TMEM192: variants seen among roughly 807,000 people sequenced by gnomAD.
TMEM192 encodes the protein transmembrane protein 192.
A neutral mutation model predicts 26.7 loss-of-function variants in TMEM192; 20 were observed. The observed-to-expected ratio is 0.75, with a 90% CI of 0.53 to 1.09. TMEM192 has a LOEUF of 1.09. Among genes scored for constraint, TMEM192 ranks in the 50% least tolerant of loss-of-function variants. The pLI is 0.00. For missense variants in TMEM192, 304 were observed against 322.6 expected (o/e 0.94, Z 0.44); for synonymous variants, 124 against 121.0 (o/e 1.02, Z -0.16).
chr4:165,106,062 G>A (rs539998184), intron 1 of TMEM192, among the ~76,000 whole-genome samples: 20 of 152,124 alleles, frequency 1.3e-4, no homozygotes, highest in Non-Finnish European at 2.2e-4. Context: ...TCCTGAATCC[G>A]TGGCTGCCTT....
At position 165,079,439 on chromosome 4, in the gene TMEM192, C is replaced by T. The variant is rs1477124047; in HGVS notation, c.*219G>A. 2.2e-6 allele frequency: 1 copy of T among 456,558 alleles called. No individual in the cohort carries two copies. The highest frequency in any genetic ancestry group is 2.0e-5 in the African/African-American group (1 of 49,828). 28.3% of individuals were successfully genotyped at this position (456,558 alleles called of 1,614,324 possible). A position where few individuals can be genotyped will look rare whatever the true frequency, so the allele number is the denominator to read the frequency against. ...ATTTCCAAAAGTACAAACAGACATT[C>T]CCCTCAAGTTATCCGGGCTTCTACA... On this transcript the variant is annotated 3_prime_UTR_variant, in exon 6 of 6. Coordinates refer to ENST00000306480, the MANE Select transcript of TMEM192 (RefSeq NM_001100389.2).
At chr4:165,089,038 T>G (rs1432918577) in intron 3 of TMEM192, among the ~76,000 whole-genome samples, 1 of 36,042 alleles carries the variant, frequency 2.8e-5, no homozygotes, top group African/African-American at 1.4e-4. Flanking sequence ...AAGACCCTAC[T>G]GCAAAAAAAA....
intron 3 of TMEM192, among the ~76,000 whole-genome samples, chr4:165,094,091 G>T (rs534745815): frequency 1.3e-5 from 2 of 151,986 alleles, no homozygotes; most frequent in Non-Finnish European, 2.9e-5. Flanking sequence ...AGTAGAGAGG[G>T]GGTTTCACCA....
At position 165,083,087 on chromosome 4, in the gene TMEM192, T is replaced by G. The variant is rs183936899; in HGVS notation, c.677+2499A>C. Among the ~76,000 whole-genome samples, 237 of 40,020 alleles carry G rather than the reference T, an allele frequency of 5.9e-3. 91 individuals are homozygous for G. The highest frequency in any genetic ancestry group is 9.6e-3 in the African/African-American group (215 of 22,318). 26.3% of individuals were successfully genotyped at this position (40,020 alleles called of 152,430 possible). On this transcript the variant is annotated intron_variant, in intron 5 of 5. Coordinates refer to ENST00000306480, the MANE Select transcript of TMEM192 (RefSeq NM_001100389.2). ...AACCCCATGAGGTGAAGGGAATACA[T>G]TTTAAAAAGCTTTCCATTAAGTCAT...
At chr4:165,102,500 C>T (rs958410822) in intron 2 of TMEM192, among the ~76,000 whole-genome samples, 18 of 152,112 alleles carry the variant, frequency 1.2e-4, no homozygotes, top group African/African-American at 3.9e-4. Context: ...CAGATAGGAA[C>T]ATTCTGTACA....
chr4:165,085,642 A>G lies in TMEM192; in HGVS notation c.621T>C (p.Leu207=), dbSNP rs376642145. ...FNKAKPEPDI[L]EEEKIYAYPS... ...GGTAAGCATAGATTTTTTCTTCTTC[A>G]AGTATATCAGGCTCTGGTTTAGCTT... The change falls in exon 5 of 6, where the codon CTT becomes CTC. Residue 207 remains leucine, a synonymous_variant. Coordinates refer to ENST00000306480, the MANE Select transcript of TMEM192 (RefSeq NM_001100389.2). 1.1e-5 allele frequency: 18 copies of G among 1,612,828 alleles called. No homozygotes were observed. The African/African-American group carries it at 2.1e-4, about 19-fold the overall frequency.
intron 3 of TMEM192, among the ~76,000 whole-genome samples, chr4:165,099,462 G>A (rs1303363643): frequency 1.3e-5 from 2 of 152,098 alleles, no homozygotes; most frequent in African/African-American, 2.4e-5. Flanking sequence ...TGTCTGCAAC[G>A]ATAAAGAAAA....
At chr4:165,105,361 C>T (rs1735140006) in intron 1 of TMEM192, among the ~76,000 whole-genome samples, 1 of 152,190 alleles carries the variant, frequency 6.6e-6, no homozygotes, top group South Asian at 2.1e-4. Flanking sequence ...GGGGGATCAA[C>T]TGTGACCAAA....
chr4:165,101,817 T>C (rs1434052464), intron 2 of TMEM192, among the ~76,000 whole-genome samples: 1 of 152,000 alleles, frequency 6.6e-6, no homozygotes, highest in African/African-American at 2.4e-5. Flanking sequence ...CACAGTGCAC[T>C]TCACTGGAGA....
rs35641833 is a variant in TMEM192, at chr4:165,092,112, C to CTTTTTTTTTTTTT, written c.440-3523_440-3511dup. On this transcript the variant is annotated intron_variant, in intron 3 of 5. Coordinates refer to ENST00000306480, the MANE Select transcript of TMEM192 (RefSeq NM_001100389.2). Reference sequence around the variant, plus strand: ...AATGCTGTTCTTTCTTAATGCTGTTCTTTTTTTTTTTTTTTTTTTTTTTTT... The same window carrying CTTTTTTTTTTTTT: ...AATGCTGTTCTTTCTTAATGCTGTTCTTTTTTTTTTTTTTTTTTTTTTTTTTTTTTTTTTTTTT... Among the ~76,000 whole-genome samples the CTTTTTTTTTTTTT allele has an allele frequency of 1.8e-4, 13 of 72,074 alleles. 1 individual carries two copies. The highest frequency in any genetic ancestry group is 7.4e-4 in the African/African-American group (11 of 14,856). The allele number at this position is 72,074 out of a possible 152,430, so 47.3% of individuals were successfully genotyped here.
At position 165,112,821 on chromosome 4, in the gene TMEM192, T is replaced by A; in HGVS notation, c.-48A>T. 1 of 1,595,026 alleles carries A rather than the reference T, an allele frequency of 6.3e-7. No individual in the cohort carries two copies. On this transcript the variant is annotated 5_prime_UTR_variant, in exon 1 of 6. Coordinates refer to ENST00000306480, the MANE Select transcript of TMEM192 (RefSeq NM_001100389.2). Reference sequence around the variant, plus strand: ...CCCTGGCCAGCCCGGCCTCTCCACCTGGACCTGTAAGCCTCTGGCCGCGAA... The same window carrying A: ...CCCTGGCCAGCCCGGCCTCTCCACCAGGACCTGTAAGCCTCTGGCCGCGAA...
intron 1 of TMEM192, among the ~76,000 whole-genome samples, chr4:165,108,112 CTTTTTTTTTT>C (rs755013001): frequency 3.3e-5 from 3 of 91,174 alleles, no homozygotes; most frequent in African/African-American, 1.6e-4. Context: ...TCTGTATTCC[CTTTTTTTTTT>C]TTTTTTTTTT....
chr4:165,095,205 G>A (rs1167386384), intron 3 of TMEM192, among the ~76,000 whole-genome samples: 1 of 152,064 alleles, frequency 6.6e-6, no homozygotes, highest in Admixed American at 6.6e-5. Flanking sequence ...ACAGGGTTCT[G>A]GTAGGAAGAA....
At chr4:165,087,659 G>C (rs1361800180) in intron 4 of TMEM192, among the ~76,000 whole-genome samples, 1 of 151,644 alleles carries the variant, frequency 6.6e-6, no homozygotes, top group Non-Finnish European at 1.5e-5. Flanking sequence ...ACAATTTGGG[G>C]CTGGGTGCGG....
chr4:165,073,110 A>T lies in TMEM192; in HGVS notation c.*6548T>A, dbSNP rs1253186506. The stretch of plus-strand genomic sequence containing the variant: ...TCCTGGAAGCCAAGCTGAAATAAAG[A>T]GTCAAGGAGGAAGTGATCAACTGTG... On this transcript the variant is annotated 3_prime_UTR_variant, in exon 6 of 6. Transcript: ENST00000306480. 1 of 152,320 alleles carries T rather than the reference A, an allele frequency of 6.6e-6. No homozygotes were observed. Among genetic ancestry groups the T allele is most frequent in the Non-Finnish European group, 1.5e-5 (1 of 68,128 alleles). The allele number at this position is 152,320 out of a possible 1,614,324, so 9.4% of individuals were successfully genotyped here.
At chr4:165,086,220 T>G (rs1055927203) in intron 4 of TMEM192, among the ~76,000 whole-genome samples, 2 of 151,638 alleles carry the variant, frequency 1.3e-5, no homozygotes, top group African/African-American at 4.8e-5. Flanking sequence ...GAGGATAGAG[T>G]TTGAGCCCAG....
chr4:165,112,445 T>C (rs1322731096), intron 1 of TMEM192, among the ~76,000 whole-genome samples: 3 of 152,284 alleles, frequency 2.0e-5, no homozygotes, highest in South Asian at 2.1e-4. Flanking sequence ...ATCAAAGACG[T>C]ACCCCGCACG....
Position 165,070,985 on chromosome 4 carries a change from T to A in TMEM192, c.*8673A>T, listed in dbSNP as rs1334345573. ...GTAAGTTACATGCAGTATTTTCCCC[T>A]TATCTACAGGGGAAACATTACAAGA... On this transcript the variant is annotated 3_prime_UTR_variant, in exon 6 of 6. Transcript: ENST00000306480. The A allele has an allele frequency of 6.6e-6, 1 of 152,120 alleles. No homozygotes were observed. The highest frequency in any genetic ancestry group is 1.5e-5 in the Non-Finnish European group (1 of 68,034). The allele number at this position is 152,120 out of a possible 1,614,324, so 9.4% of individuals were successfully genotyped here.
intron 1 of TMEM192, among the ~76,000 whole-genome samples, chr4:165,110,055 G>C (rs1228455906): frequency 6.6e-6 from 1 of 152,132 alleles, no homozygotes; most frequent in Non-Finnish European, 1.5e-5. Context: ...TGTCACTCAG[G>C]AGTATTTACT....
Sources: gnomAD v4.1 joint callset for allele counts (sites outside exome capture counted in the v4.1 genomes callset) on GRCh38, gnomAD v4.1.1 for gene constraint, MANE v1.5 for transcripts, NCBI Gene and HGNC (gene_info 2026-07-23, HGNC 2026-07-21) for gene names.